The following CFAP20DC variants were observed in gnomAD, a reference collection of about 807,000 sequenced individuals.
CFAP20DC encodes the protein protein CFAP20DC.
A neutral mutation model predicts 101.7 loss-of-function variants in CFAP20DC; 84 were observed. That is an observed-to-expected ratio of 0.83 (90% CI 0.69 to 0.99). CFAP20DC has a LOEUF of 0.99. Among genes scored for constraint, CFAP20DC ranks in the 50% least tolerant of loss-of-function variants. CFAP20DC has a pLI of 0.00. For synonymous variants in CFAP20DC, 359 were observed against 351.2 expected, an observed-to-expected ratio of 1.02 and a Z score of -0.25; for missense variants, 1,007 against 970.3, an observed-to-expected ratio of 1.04 and a Z score of -0.50.
rs891097961 is a variant in CFAP20DC at position 58,812,463 on chromosome 3, C to G, written c.2176-6007G>C. 4.6e-5 allele frequency among the ~76,000 whole-genome samples: 7 copies of G among 151,678 alleles called. No individual in the cohort carries two copies. In the South Asian group the frequency reaches 8.3e-4, roughly 18 times the overall value. On this transcript the variant is annotated intron_variant, in intron 14 of 16. Transcript: ENST00000482387. ...AGTAAACTATCGCAAGAACAAAAAA[C>G]CAAACACCGCATATTCTCAGTCATA...
At chr3:58,995,296 A>T (rs961729659) in intron 4 of CFAP20DC, among the ~76,000 whole-genome samples, 4 of 152,104 alleles carry the variant, frequency 2.6e-5, no homozygotes, top group African/African-American at 9.7e-5. Context: ...GCAACTGAAA[A>T]ATTCCCAGAA....
chr3:58,849,056 C>T lies in CFAP20DC; in HGVS notation c.1947G>A (p.Arg649=). 6.5e-7 allele frequency: 1 copy of T among 1,535,816 alleles called. No homozygotes were observed. The part of the protein sequence containing the change: ...KTSLKEISGE[R]LSSIPEASEY... Reference sequence around the variant, plus strand: ...CAGATGCTTCGGGGATCGAGCTCAGCCTTTCCCCTGAGATTTCTTTCAGGG... The same window carrying T: ...CAGATGCTTCGGGGATCGAGCTCAGTCTTTCCCCTGAGATTTCTTTCAGGG... Residue 649 remains arginine, a synonymous_variant, in exon 13 of 17, where the codon AGG becomes AGA. Transcript: ENST00000482387.
intron 13 of CFAP20DC, among the ~76,000 whole-genome samples, chr3:58,846,249 G>A: frequency 6.6e-6 from 1 of 151,730 alleles, no homozygotes; most frequent in Non-Finnish European, 1.5e-5. Flanking sequence ...TGACATGATT[G>A]TATATCTAGA....
At chr3:58,877,393 A>C (rs891654160) in intron 7 of CFAP20DC, among the ~76,000 whole-genome samples, 1 of 152,226 alleles carries the variant, frequency 6.6e-6, no homozygotes, top group African/African-American at 2.4e-5. Flanking sequence ...GAAAGGTTCT[A>C]AGTGTGTTTA....
chr3:59,046,487 A>G (rs1467591491), intron 2 of CFAP20DC, among the ~76,000 whole-genome samples, 165 bp from the exon 3 acceptor site: 1 of 152,174 alleles, frequency 6.6e-6, no homozygotes, highest in Non-Finnish European at 1.5e-5. Flanking sequence ...TGGGAACTAG[A>G]ATACGGAGGC....
intron 15 of CFAP20DC, among the ~76,000 whole-genome samples, chr3:58,776,582 G>A (rs1388963616): frequency 6.7e-6 from 1 of 150,290 alleles, no homozygotes; most frequent in East Asian, 1.9e-4. Flanking sequence ...ACTGTTCTTT[G>A]TTGAAGATAA....
At chr3:58,992,237 C>T (rs1336433634) in intron 4 of CFAP20DC, among the ~76,000 whole-genome samples, 1 of 152,128 alleles carries the variant, frequency 6.6e-6, no homozygotes, top group African/African-American at 2.4e-5. Context: ...TTCTAAGATG[C>T]CTGCCTGCAA....
Position 58,882,707 on chromosome 3 carries a change from T to C in CFAP20DC, c.715+1838A>G, listed in dbSNP as rs1240923309. The stretch of plus-strand genomic sequence containing the variant: ...CTCAAGGCTCTTTAATGACCATGGA[T>C]TGTATACAGTCTCTCTCTGTCTAAA... On this transcript the variant is annotated intron_variant, in intron 7 of 16. Coordinates refer to ENST00000482387, the MANE Select transcript of CFAP20DC (RefSeq NM_001394063.1). This position sits in a 1 kb window ranked among gnomAD's most constrained non-coding sequence, Gnocchi z 4.2. 6.6e-6 allele frequency among the ~76,000 whole-genome samples: 1 copy of C among 152,162 alleles called. No individual in the cohort carries two copies. The highest frequency in any genetic ancestry group is 1.5e-5 in the Non-Finnish European group (1 of 68,020).
chr3:58,719,997 C>T (rs990745608), intron 3 of CFAP20DC, among the ~76,000 whole-genome samples: 46 of 152,370 alleles, frequency 3.0e-4, no homozygotes, highest in African/African-American at 1.1e-3. Flanking sequence ...GGTTAAATGT[C>T]TCCTTGGAGG....
intron 5 of CFAP20DC, among the ~76,000 whole-genome samples, chr3:58,927,307 T>C (rs914227026): frequency 6.6e-6 from 1 of 152,176 alleles, no homozygotes; most frequent in Non-Finnish European, 1.5e-5. Flanking sequence ...AACTAAAGGC[T>C]TTAGCTAAAA....
chr3:59,000,336 G>A (rs2093273916), intron 4 of CFAP20DC, among the ~76,000 whole-genome samples: 1 of 152,196 alleles, frequency 6.6e-6, no homozygotes, highest in African/African-American at 2.4e-5. Flanking sequence ...TAAGGCAGAG[G>A]TGTGGTGGTG....
chr3:58,995,286 GC>G (rs2093078244), intron 4 of CFAP20DC, among the ~76,000 whole-genome samples: 1 of 151,242 alleles, frequency 6.6e-6, no homozygotes, highest in Admixed American at 6.6e-5. Context: ...GGACTCTCCT[GC>G]AACTGAAAAA....
chr3:58,863,181 C>A lies in CFAP20DC; in HGVS notation c.1593+377G>T. On this transcript the variant is annotated intron_variant, in intron 12 of 16. Transcript: ENST00000482387. The surrounding 1 kb of genome is among the most constrained non-coding windows in gnomAD (Gnocchi z 5.9). ...GCCAGAAAACCATCAATTTAGAATG[C>A]TTAGCAACTGCAACACAATTTCTCC... 8.8e-7 allele frequency: 1 copy of A among 1,131,022 alleles called. No individual in the cohort carries two copies. Among genetic ancestry groups the A allele is most frequent in the Non-Finnish European group, 1.1e-6 (1 of 925,754 alleles). The allele number at this position is 1,131,022 out of a possible 1,614,324, so 70.1% of individuals were successfully genotyped here. A position where few individuals can be genotyped will look rare whatever the true frequency, so the allele number is the denominator to read the frequency against.
rs1277239373 is a variant in CFAP20DC at position 58,849,364 on chromosome 3, A to G, written c.1639T>C (p.Ser547Pro). The G allele has an allele frequency of 5.2e-6, 8 of 1,535,414 alleles. No homozygotes were observed. The African/African-American group carries it at 1.1e-4, about 21-fold the overall frequency. The change falls in exon 13 of 17, where the codon TCA becomes CCA. Residue 547 changes from serine (S) to proline (P), a missense_variant. By Grantham distance (74) the Ser-to-Pro change is moderately conservative. Transcript: ENST00000482387. ...QGSRGPTTGP[S>P]ELTQLTLESL... ...TCTAATGTTAACTGAGTTAACTCTG[A>G]AGGACCAGTTGTTGGGCCTCGAGAA... is the stretch of plus-strand genomic sequence containing the variant.
chr3:58,994,040 C>T (rs1264639608), intron 4 of CFAP20DC, among the ~76,000 whole-genome samples: 1 of 152,148 alleles, frequency 6.6e-6, no homozygotes, highest in African/African-American at 2.4e-5. Flanking sequence ...CTAACTTACA[C>T]CAACTTCATG....
intron 5 of CFAP20DC, among the ~76,000 whole-genome samples, chr3:58,934,083 A>G (rs1397520463): frequency 6.6e-6 from 1 of 152,254 alleles, no homozygotes; most frequent in Non-Finnish European, 1.5e-5. Flanking sequence ...AAAATGATAA[A>G]GGGGATATCA....
chr3:58,866,121 G>A (rs184454302), intron 11 of CFAP20DC, among the ~76,000 whole-genome samples: 2 of 152,298 alleles, frequency 1.3e-5, no homozygotes, highest in African/African-American at 4.8e-5. Context: ...AAATAAGATT[G>A]ACAAACCACA....
chr3:58,958,443 C>T (rs1426704213), intron 4 of CFAP20DC, among the ~76,000 whole-genome samples: 3 of 152,136 alleles, frequency 2.0e-5, no homozygotes, highest in South Asian at 2.1e-4. Flanking sequence ...GATGGAACTG[C>T]AGGCTGTTTC....
At position 58,721,012 on chromosome 3, in the gene CFAP20DC, T is replaced by C. The variant is rs2067465654; in HGVS notation, c.198-3384A>G. Reference sequence around the variant, plus strand: ...AGCACTTGGTGGAAATCTCATTTCCTCAAGAAAACCTCCTCAGACTCCAAG... The same window carrying C: ...AGCACTTGGTGGAAATCTCATTTCCCCAAGAAAACCTCCTCAGACTCCAAG... On this transcript the variant is annotated intron_variant, in intron 3 of 3. Coordinates refer to the CFAP20DC transcript ENST00000486145. The surrounding 1 kb of genome is among the most constrained non-coding windows in gnomAD (Gnocchi z 5.2). Among the ~76,000 whole-genome samples, 2 of 152,292 alleles carry C rather than the reference T, an allele frequency of 1.3e-5. No homozygotes were observed. The highest frequency in any genetic ancestry group is 2.1e-4 in the South Asian group (1 of 4,818).
Sources: allele counts gnomAD v4.1 joint callset (sites outside exome capture counted in the v4.1 genomes callset), GRCh38; gene constraint gnomAD v4.1.1; non-coding constraint Gnocchi (gnomAD v3.1); transcripts MANE v1.5; gene names NCBI Gene and HGNC (gene_info 2026-07-23, HGNC 2026-07-21).